PIP4K2A: variants seen among roughly 807,000 people sequenced by gnomAD.
PIP4K2A encodes phosphatidylinositol 5-phosphate 4-kinase type-2 alpha.
In PIP4K2A, 14 loss-of-function variants were observed where a neutral mutation model predicts 42.9. The observed-to-expected ratio is 0.33, with a 90% CI of 0.22 to 0.51. PIP4K2A has a LOEUF of 0.51. PIP4K2A is among the 20% of genes least tolerant of loss of function. The pLI is 0.97. For synonymous variants in PIP4K2A, 192 were observed against 192.2 expected (o/e 1.00, Z 0.01); for missense variants, 434 against 519.8 (o/e 0.83, Z 1.61).
At chr10:22,562,146 A>T (rs1836722625) in intron 6 of PIP4K2A, among the ~76,000 whole-genome samples, 1 of 152,142 alleles carries the variant, frequency 6.6e-6, no homozygotes, top group Admixed American at 6.5e-5. Context: ...GGCTTTTTGG[A>T]AGAGTCAAAA....
intron 1 of PIP4K2A, among the ~76,000 whole-genome samples, chr10:22,713,480 A>G (rs1471490530): frequency 2.6e-5 from 4 of 152,118 alleles, no homozygotes; most frequent in Admixed American, 6.5e-5. Context: ...ACTCCCCGCC[A>G]AGGGCTCTCC....
Position 22,647,522 on chromosome 10 carries a change from CAG to C in PIP4K2A, c.145-37807_145-37806del, listed in dbSNP as rs544607051. The stretch of plus-strand genomic sequence containing the variant: ...AGAGGCATCCCATCTTAAACACCAT[CAG>C]AGAGTCATGAGATCTACACAACATG... On this transcript the variant is annotated intron_variant, in intron 1 of 9. Coordinates refer to ENST00000376573, the MANE Select transcript of PIP4K2A (RefSeq NM_005028.5). Among the ~76,000 whole-genome samples the C allele has an allele frequency of 1.5e-3, 205 of 135,388 alleles. 4 individuals are homozygous for C. Among genetic ancestry groups the C allele is most frequent in the Admixed American group, 0.014 (183 of 13,224 alleles). 88.8% of individuals were successfully genotyped at this position (135,388 alleles called of 152,430 possible).
At chr10:22,627,534 T>C (rs1838465850) in intron 1 of PIP4K2A, among the ~76,000 whole-genome samples, 2 of 134,586 alleles carry the variant, frequency 1.5e-5, no homozygotes, top group African/African-American at 5.6e-5. Context: ...TCATCAAGAA[T>C]GTGAAAGAAA....
In PIP4K2A at chr10:22,713,882, C is replaced by T. The variant is rs1330858003; in HGVS notation, c.144+301G>A. The T allele has an allele frequency of 5.4e-5, 12 of 223,012 alleles. No individual in the cohort carries two copies. In the East Asian group the frequency reaches 1.1e-3, roughly 21 times the overall value. The allele number at this position is 223,012 out of a possible 1,614,324, so 13.8% of individuals were successfully genotyped here. Reference sequence around the variant, plus strand: ...TACCTCCCAGGCTGCGGGGACCGACCTGCGGGCGGGCGGGCGGACCGGGGG... The same window carrying T: ...TACCTCCCAGGCTGCGGGGACCGACTTGCGGGCGGGCGGGCGGACCGGGGG... On this transcript the variant is annotated intron_variant, in intron 1 of 9. Coordinates refer to ENST00000376573, the MANE Select transcript of PIP4K2A (RefSeq NM_005028.5).
intron 1 of PIP4K2A, among the ~76,000 whole-genome samples, chr10:22,700,097 C>T (rs912793095): frequency 8.5e-5 from 13 of 152,174 alleles, no homozygotes; most frequent in African/African-American, 3.1e-4. Context: ...CTGCTGGAGT[C>T]AGGAGGAAGA....
intron 1 of PIP4K2A, among the ~76,000 whole-genome samples, chr10:22,678,917 G>C (rs1051246399): frequency 4.6e-5 from 7 of 152,190 alleles, no homozygotes; most frequent in Non-Finnish European, 8.8e-5. Flanking sequence ...CCTATGTATT[G>C]TCCTTGAAGG....
intron 4 of PIP4K2A, among the ~76,000 whole-genome samples, chr10:22,579,088 G>A (rs757462871): frequency 6.6e-6 from 1 of 152,100 alleles, no homozygotes; most frequent in Non-Finnish European, 1.5e-5. Flanking sequence ...AAAGGCATAT[G>A]TCGGGCATGA....
At chr10:22,663,037 G>A (rs1839236766) in intron 1 of PIP4K2A, among the ~76,000 whole-genome samples, 1 of 152,176 alleles carries the variant, frequency 6.6e-6, no homozygotes. Context: ...ATTCTTTTGG[G>A]CTCTGCCACT....
At chr10:22,605,376 A>G (rs1837884296) in intron 3 of PIP4K2A, among the ~76,000 whole-genome samples, 1 of 152,186 alleles carries the variant, frequency 6.6e-6, no homozygotes, top group Non-Finnish European at 1.5e-5. Context: ...CCACTTGCCT[A>G]ATTTTCTTTC....
chr10:22,541,901 G>A lies in PIP4K2A; in HGVS notation c.939C>T (p.Pro313=). The change falls in exon 8 of 10, where the codon CCC becomes CCT. Residue 313 remains proline, a synonymous_variant. Transcript: ENST00000376573. ...TCAGTGTATTCCCGGGGCTATCTGG[G>A]GGGGTTCCCACCGGGTGGGTGCCAT... ...ESDGTHPVGT[P]PDSPGNTLNS... The A allele has an allele frequency of 6.2e-7, 1 of 1,613,936 alleles. No individual in the cohort carries two copies. Among genetic ancestry groups the A allele is most frequent in the Non-Finnish European group, 8.5e-7 (1 of 1,179,886 alleles).
Position 22,537,200 on chromosome 10 carries a change from G to A in PIP4K2A, c.*1C>T, listed in dbSNP as rs774726450. Reference sequence around the variant, plus strand: ...ATGTCTGTCCGAGGCTGCGCAGGAGGTTACGTCAAGATGTGGCCAATAAAG... The same window carrying A: ...ATGTCTGTCCGAGGCTGCGCAGGAGATTACGTCAAGATGTGGCCAATAAAG... On this transcript the variant is annotated 3_prime_UTR_variant, in exon 10 of 10. Transcript: ENST00000376573. 1.3e-6 allele frequency: 2 copies of A among 1,599,772 alleles called. No individual in the cohort carries two copies. The highest frequency in any genetic ancestry group is 8.5e-7 in the Non-Finnish European group (1 of 1,171,242).
chr10:22,565,013 T>C (rs1370075656), intron 6 of PIP4K2A, among the ~76,000 whole-genome samples: 1 of 152,204 alleles, frequency 6.6e-6, no homozygotes, highest in African/African-American at 2.4e-5. Flanking sequence ...ACGAAGCAGT[T>C]CTTACAATGC....
At chr10:22,646,009 A>T (rs1051683129) in intron 1 of PIP4K2A, among the ~76,000 whole-genome samples, 3 of 152,212 alleles carry the variant, frequency 2.0e-5, no homozygotes, top group Non-Finnish European at 4.4e-5. Context: ...GGTGTGCGCC[A>T]CTGTGCCCAG....
chr10:22,594,494 C>G (rs181458136), intron 3 of PIP4K2A, among the ~76,000 whole-genome samples: 1 of 152,334 alleles, frequency 6.6e-6, no homozygotes, highest in East Asian at 1.9e-4. Flanking sequence ...CTCCTGGACT[C>G]AAGTGATTCT....
intron 7 of PIP4K2A, among the ~76,000 whole-genome samples, chr10:22,549,911 T>TAGGAAAAAA (rs1564416048): frequency 1.8e-3 from 267 of 150,948 alleles, no homozygotes; most frequent in Admixed American, 0.014. Flanking sequence ...CCTTTTTTCC[T>TAGGAAAAAA]GGATTTATAA....
At chr10:22,627,240 C>T (rs1233438710) in intron 1 of PIP4K2A, among the ~76,000 whole-genome samples, 1 of 152,166 alleles carries the variant, frequency 6.6e-6, no homozygotes, top group Non-Finnish European at 1.5e-5. Context: ...GCAGTTCTCA[C>T]TACATTTTAA....
intron 3 of PIP4K2A, among the ~76,000 whole-genome samples, chr10:22,593,202 C>G (rs1184597981): frequency 6.6e-6 from 1 of 152,230 alleles, no homozygotes; most frequent in Non-Finnish European, 1.5e-5. Context: ...CACCTCACCA[C>G]CCTGGCACCC....
intron 4 of PIP4K2A, among the ~76,000 whole-genome samples, chr10:22,590,200 A>G (rs1168110934): frequency 1.3e-5 from 2 of 152,186 alleles, no homozygotes; most frequent in African/African-American, 4.8e-5. Flanking sequence ...ACTGTAAGAA[A>G]TAGATTTCTG....
intron 6 of PIP4K2A, among the ~76,000 whole-genome samples, chr10:22,566,254 TTC>T (rs1588629893): frequency 6.6e-6 from 1 of 152,122 alleles, no homozygotes; most frequent in East Asian, 1.9e-4. Flanking sequence ...GCTTTAAAAT[TTC>T]TCTCTTTTGT....
Sources: gnomAD v4.1 joint callset for allele counts (sites outside exome capture counted in the v4.1 genomes callset) on GRCh38, gnomAD v4.1.1 for gene constraint, MANE v1.5 for transcripts, NCBI Gene and HGNC (gene_info 2026-07-23, HGNC 2026-07-21) for gene names.